EWSR1: variants seen among roughly 807,000 people sequenced by gnomAD.
The protein encoded by EWSR1 is RNA-binding protein EWS.
Under a neutral mutation model 92.1 loss-of-function variants are expected in EWSR1, and 14 were observed. The ratio of observed to expected loss-of-function variants is 0.15; its 90% CI spans 0.10 to 0.24. The LOEUF is 0.24. Ranked by LOEUF, EWSR1 falls within the 10% of genes least tolerant of loss-of-function variation. The pLI is 1.00. For synonymous variants in EWSR1, 303 were observed against 292.9 expected (o/e 1.03, Z -0.35); for missense variants, 637 against 870.9 (o/e 0.73, Z 3.38).
chr22:29,268,434 G>A lies in EWSR1; in HGVS notation c.13+85G>A, dbSNP rs2301291. 0.35 allele frequency: 565,808 copies of A among 1,611,450 alleles called. 103,294 individuals are homozygous for A. The highest frequency in any genetic ancestry group is 0.66 in the East Asian group (29,451 of 44,850). ...GTTCGTCTCTGGGCTTGGCTGGGAA[G>A]ACTGAGTGGAGTTGCCGAGAGGGGG... On this transcript the variant is annotated intron_variant, in intron 1 of 16. Coordinates refer to ENST00000397938, the MANE Select transcript of EWSR1 (RefSeq NM_005243.4).
chr22:29,288,338 A>G (rs1414771111), intron 7 of EWSR1, among the ~76,000 whole-genome samples: 3 of 152,192 alleles, frequency 2.0e-5, no homozygotes, highest in Non-Finnish European at 4.4e-5. Context: ...CCTATAAACT[A>G]TATGTTAGCC....
rs71196650 is a variant in EWSR1 at position 29,280,862 on chromosome 22, GTTTTTTTT to G, written c.414-1498_414-1491del. Among the ~76,000 whole-genome samples the G allele has an allele frequency of 1.8e-3, 113 of 62,898 alleles. 7 individuals carry two copies. Among genetic ancestry groups the G allele is most frequent in the East Asian group, 6.1e-3 (12 of 1,966 alleles). 41.3% of individuals were successfully genotyped at this position (62,898 alleles called of 152,430 possible). A position where few individuals can be genotyped will look rare whatever the true frequency, so the allele number is the denominator to read the frequency against. On this transcript the variant is annotated intron_variant, in intron 5 of 16. Transcript: ENST00000397938. The stretch of plus-strand genomic sequence containing the variant: ...CTAATTTTGTGTGTGTGTGTGTGTT[GTTTTTTTT>G]TTTTTTTTTTTTTTTTTTTTTTTTT...
intron 13 of EWSR1, 128 bp downstream of exon 13, chr22:29,298,077 T>TAACA: frequency 1.9e-6 from 2 of 1,062,264 alleles, no homozygotes; most frequent in South Asian, 1.8e-5. Context: ...TATCGAGAGC[T>TAACA]AACAATGAAT....
chr22:29,291,926 A>G, intron 9 of EWSR1: 1 of 601,576 alleles, frequency 1.7e-6, no homozygotes, highest in East Asian at 2.8e-5. Flanking sequence ...TTAATGGTTT[A>G]GAAGCAAACC....
chr22:29,274,724 A>G (rs2058966193), intron 4 of EWSR1, among the ~76,000 whole-genome samples: 1 of 151,274 alleles, frequency 6.6e-6, no homozygotes. Context: ...AATCCATGGT[A>G]TGTCTTGAAT....
intron 8 of EWSR1, chr22:29,290,228 G>C (rs1451699938): frequency 3.6e-6 from 2 of 549,628 alleles, no homozygotes; most frequent in Non-Finnish European, 6.5e-6. Context: ...TGTGGGGATA[G>C]ACGGGCATTT....
intron 3 of EWSR1, among the ~76,000 whole-genome samples, chr22:29,273,302 T>G (rs948033471): frequency 3.3e-5 from 5 of 152,242 alleles, no homozygotes; most frequent in African/African-American, 4.8e-5. Flanking sequence ...TTTAGCCCTC[T>G]TCATTGCTTT....
chr22:29,272,426 A>T lies in EWSR1; in HGVS notation c.97A>T (p.Thr33Ser). 1.2e-6 allele frequency: 2 copies of T among 1,612,592 alleles called. No homozygotes were observed. Among genetic ancestry groups the T allele is most frequent in the Non-Finnish European group, 1.7e-6 (2 of 1,179,954 alleles). The change falls in exon 3 of 17, where the codon ACC becomes TCC. Residue 33 changes from threonine to serine, a missense_variant. Physicochemically the swap from Thr to Ser is moderately conservative, Grantham distance 58. Around this residue, in one of 5 missense-constraint regions of EWSR1, gnomAD observed 144 missense variants for 189.0 expected, o/e 0.76. Transcript: ENST00000397938. ...AQPTQGYAQT[T>S]QAYGQQSYGT... Reference sequence around the variant, plus strand: ...GCCCACTCAAGGATATGCACAGACCACCCAGGTAATCTTTAAAATAATTAC... The same window carrying T: ...GCCCACTCAAGGATATGCACAGACCTCCCAGGTAATCTTTAAAATAATTAC...
At chr22:29,294,773 G>A (rs1454676266) in intron 11 of EWSR1, among the ~76,000 whole-genome samples, 2 of 151,750 alleles carry the variant, frequency 1.3e-5, no homozygotes. Context: ...AATTAGCCGG[G>A]TGTGGTGACA....
chr22:29,290,723 A>G lies in EWSR1; in HGVS notation c.975-839A>G, dbSNP rs959688773. The stretch of plus-strand genomic sequence containing the variant: ...TTATGGTGTGTACTTTTAAAAAGGA[A>G]ACAAAGCTGCATGCAACAGCTTGAA... On this transcript the variant is annotated intron_variant, in intron 8 of 16. Coordinates refer to ENST00000397938, the MANE Select transcript of EWSR1 (RefSeq NM_005243.4). 35 of 1,258,046 alleles carry G rather than the reference A, an allele frequency of 2.8e-5. 1 individual carries two copies. The highest frequency in any genetic ancestry group is 2.7e-5 in the Non-Finnish European group (27 of 993,512). The allele number at this position is 1,258,046 out of a possible 1,614,324, so 77.9% of individuals were successfully genotyped here. A position where few individuals can be genotyped will look rare whatever the true frequency, so the allele number is the denominator to read the frequency against.
intron 15 of EWSR1, 106 bp from the exon 16 acceptor site, chr22:29,299,493 C>G (rs2061167960): frequency 6.7e-7 from 1 of 1,491,616 alleles, no homozygotes; most frequent in East Asian, 2.3e-5. Flanking sequence ...AGTGAAGTGT[C>G]TGGTTTGTTC....
intron 4 of EWSR1, chr22:29,274,125 T>C (rs549127505): frequency 3.1e-6 from 3 of 958,646 alleles, no homozygotes; most frequent in East Asian, 4.8e-5. Context: ...AAATGGAGAC[T>C]ATGTAAAAGA....
At position 29,296,352 on chromosome 22, in the gene EWSR1, C is replaced by T. The variant is rs748602761; in HGVS notation, c.1278C>T (p.Ala426=). The T allele has an allele frequency of 3.1e-5, 50 of 1,613,944 alleles. No individual in the cohort carries two copies. The East Asian group carries it at 4.0e-4, about 13-fold the overall frequency. ...AAGACCCACCCACTGCCAAGGCTGC[C>T]GTGGAATGGTTTGATGGTGAGATGT... The part of the protein sequence containing the change: ...SYEDPPTAKA[A]VEWFDGKDFQ... Residue 426 remains alanine, a synonymous_variant, in exon 12 of 17, where the codon GCC becomes GCT. Transcript: ENST00000397938.
rs748647019 is a variant in EWSR1 at position 29,268,316 on chromosome 22, A to C, written c.-21A>C. On this transcript the variant is annotated 5_prime_UTR_variant, in exon 1 of 17. Coordinates refer to ENST00000397938, the MANE Select transcript of EWSR1 (RefSeq NM_005243.4). The stretch of plus-strand genomic sequence containing the variant: ...GCGAGAGGGAGACGGACGTTGAGAG[A>C]ACGAGGAGGAAGGAGAGAAAATGGC... 2.5e-6 allele frequency: 4 copies of C among 1,613,518 alleles called. No homozygotes were observed. In the African/African-American group the frequency reaches 4.0e-5, roughly 16 times the overall value.
chr22:29,288,552 C>T, intron 7 of EWSR1, 54 bp from the exon 8 acceptor site: 1 of 1,497,640 alleles, frequency 6.7e-7, no homozygotes, highest in African/African-American at 1.4e-5. Flanking sequence ...GAAAGTACAT[C>T]AGGCAGTGGT....
intron 16 of EWSR1, 112 bp from the exon 17 acceptor site, chr22:29,300,010 A>G (rs2061220055): frequency 1.5e-6 from 1 of 657,990 alleles, no homozygotes; most frequent in Non-Finnish European, 2.0e-6. Context: ...GGGCTTCCTC[A>G]CCCCTTCCCA....
At chr22:29,292,274 T>G in intron 10 of EWSR1, 105 bp downstream of exon 10, 1 of 1,241,406 alleles carries the variant, frequency 8.1e-7, no homozygotes, top group East Asian at 2.3e-5. Context: ...AGTGTGATAT[T>G]CTTGCTGTCA....
At chr22:29,281,302 A>G (rs1251068966) in intron 5 of EWSR1, among the ~76,000 whole-genome samples, 1 of 150,554 alleles carries the variant, frequency 6.6e-6, no homozygotes. Context: ...GGCATGAGCC[A>G]CCGCACCTGG....
intron 5 of EWSR1, among the ~76,000 whole-genome samples, chr22:29,279,947 T>A (rs140063): frequency 0.32 from 48,894 of 152,074 alleles, 9,576 homozygotes; most frequent in Admixed American, 0.47. Context: ...TTCTTTTCAC[T>A]TGTTACCACT....
Sources: allele counts gnomAD v4.1 joint callset (sites outside exome capture counted in the v4.1 genomes callset), GRCh38; gene constraint gnomAD v4.1.1; regional missense constraint gnomAD v4.1.1; transcripts MANE v1.5; gene names NCBI Gene and HGNC (gene_info 2026-07-23, HGNC 2026-07-21).